Variants in EYS observed in about 807,000 individuals in gnomAD.
EYS encodes EGF-like photoreceptor maintenance factor.
EYS carries 250 observed loss-of-function variants against 282.1 expected under a neutral mutation model. That is an observed-to-expected ratio of 0.89 (90% confidence interval 0.80 to 0.98). The LOEUF is 0.98. EYS is among the 50% of genes least tolerant of loss of function. The pLI, the probability that EYS is intolerant of heterozygous loss-of-function variation, is 0.00. For missense variants in EYS, 4,016 were observed against 3,709.0 expected (o/e 1.08, Z -2.15); for synonymous variants, 1,355 against 1,282.9 (o/e 1.06, Z -1.20).
At chr6:64,421,057 A>G (rs553716713) in intron 28 of EYS, among the ~76,000 whole-genome samples, 1 of 152,306 alleles carries the variant, frequency 6.6e-6, no homozygotes, top group South Asian at 2.1e-4. Context: ...ATACTGTATT[A>G]GTCCATTCTC....
chr6:65,415,834 A>G (rs561401577), intron 5 of EYS, among the ~76,000 whole-genome samples: 1 of 152,194 alleles, frequency 6.6e-6, no homozygotes, highest in East Asian at 1.9e-4. Context: ...AAATGCACAC[A>G]TTAGAAAAAC....
At chr6:64,502,894 A>T in intron 26 of EYS, among the ~76,000 whole-genome samples, 1 of 152,234 alleles carries the variant, frequency 6.6e-6, no homozygotes. Context: ...ATAGCACATC[A>T]AAGCATAGTT....
At chr6:64,029,505 G>A (rs933530996) in intron 33 of EYS, among the ~76,000 whole-genome samples, 2 of 152,196 alleles carry the variant, frequency 1.3e-5, no homozygotes, top group Non-Finnish European at 2.9e-5. Flanking sequence ...TGAGGGACCG[G>A]TGTTTCAAAA....
intron 26 of EYS, among the ~76,000 whole-genome samples, chr6:64,480,715 G>T (rs184657248): frequency 1.3e-3 from 198 of 151,924 alleles, no homozygotes; most frequent in African/African-American, 4.6e-3. Context: ...AGAATGTCAT[G>T]TAATTTGTCA....
intron 2 of EYS, among the ~76,000 whole-genome samples, chr6:65,626,455 G>A (rs919056898): frequency 7.9e-5 from 12 of 152,182 alleles, no homozygotes; most frequent in Non-Finnish European, 1.6e-4. Flanking sequence ...CCTAGATGAT[G>A]TACTGTGGAA....
chr6:64,691,525 A>T (rs1017398245), intron 22 of EYS, among the ~76,000 whole-genome samples: 2 of 152,158 alleles, frequency 1.3e-5, no homozygotes, highest in African/African-American at 4.8e-5. Context: ...ACTTCTCTTT[A>T]AGATACAGCA....
intron 13 of EYS, among the ~76,000 whole-genome samples, chr6:65,013,891 T>G (rs1275124827): frequency 6.6e-6 from 1 of 152,104 alleles, no homozygotes; most frequent in Non-Finnish European, 1.5e-5. Flanking sequence ...GTGGGTAAGA[T>G]ATGTGAATAT....
intron 35 of EYS, among the ~76,000 whole-genome samples, chr6:63,911,294 A>G (rs1764244561): frequency 6.6e-6 from 1 of 152,226 alleles, no homozygotes; most frequent in Admixed American, 6.5e-5. Context: ...TCTGTGTTAC[A>G]AATGTCCCAG....
At position 64,436,226 on chromosome 6, in the gene EYS, T is replaced by C; in HGVS notation, c.5875A>G (p.Ile1959Val). ...YCPGEAKFKS[I>V]NTTVRVDNGQ... ...TTGTCCACTCTAACAGTAGTATTAA[T>C]GCTTTTAAATTTTGCTTCACCAGGA... Residue 1959 changes from isoleucine (I) to valine (V), a missense_variant, in exon 28 of 43, where the codon ATT (isoleucine) becomes GTT (valine). Coordinates refer to ENST00000503581, the MANE Select transcript of EYS (RefSeq NM_001142800.2). 6.5e-7 allele frequency: 1 copy of C among 1,544,986 alleles called. No homozygotes were observed. Among genetic ancestry groups the C allele is most frequent in the Non-Finnish European group, 8.8e-7 (1 of 1,142,714 alleles).
intron 28 of EYS, among the ~76,000 whole-genome samples, chr6:64,396,701 C>A (rs576462080): frequency 1.3e-5 from 2 of 152,160 alleles, no homozygotes; most frequent in African/African-American, 4.8e-5. Context: ...TCTGCAGTAT[C>A]GCTTCTGTCA....
At chr6:64,452,515 G>A (rs148501195) in intron 26 of EYS, among the ~76,000 whole-genome samples, 2 of 151,954 alleles carry the variant, frequency 1.3e-5, no homozygotes, top group African/African-American at 4.8e-5. Flanking sequence ...CTACTTTCAA[G>A]TTCATATGGA....
rs145013843 is a variant in EYS at position 65,056,130 on chromosome 6, C to T, written c.2137+1484G>A. ...TACATATTTATATTTTGGGTACCAG[C>T]CAATATTCCTTTATTTTGGTGCTCA... On this transcript the variant is annotated intron_variant, in intron 13 of 42. Coordinates refer to ENST00000503581, the MANE Select transcript of EYS (RefSeq NM_001142800.2). 3.0e-4 allele frequency among the ~76,000 whole-genome samples: 45 copies of T among 152,040 alleles called. No homozygotes were observed. The East Asian group carries it at 8.6e-3, about 29-fold the overall frequency.
intron 26 of EYS, among the ~76,000 whole-genome samples, chr6:64,583,601 G>C (rs1450455223): frequency 6.6e-6 from 1 of 152,144 alleles, no homozygotes; most frequent in Non-Finnish European, 1.5e-5. Context: ...TTCAAGACCA[G>C]CTTGACCAAC....
chr6:64,872,672 G>T (rs1389383223), intron 19 of EYS, among the ~76,000 whole-genome samples: 1 of 152,116 alleles, frequency 6.6e-6, no homozygotes, highest in African/African-American at 2.4e-5. Flanking sequence ...TAAAGCCTCA[G>T]TTGAAATCTA....
chr6:64,724,609 C>T (rs1439611528), intron 22 of EYS, among the ~76,000 whole-genome samples: 1 of 152,072 alleles, frequency 6.6e-6, no homozygotes, highest in African/African-American at 2.4e-5. Flanking sequence ...ATTTCACATG[C>T]TAACACAAAG....
At chr6:65,562,514 C>G (rs117603610) in intron 2 of EYS, among the ~76,000 whole-genome samples, 1 of 151,964 alleles carries the variant, frequency 6.6e-6, no homozygotes, top group Non-Finnish European at 1.5e-5. Flanking sequence ...TATTAGAAAT[C>G]TTCCAAATTT....
chr6:65,349,288 A>T (rs1770513243), intron 9 of EYS, among the ~76,000 whole-genome samples: 1 of 151,480 alleles, frequency 6.6e-6, no homozygotes, highest in African/African-American at 2.4e-5. Context: ...TCTATACACC[A>T]CTTGTCCAAA....
intron 1 of EYS, among the ~76,000 whole-genome samples, chr6:65,701,151 C>G (rs908418805): frequency 2.0e-5 from 3 of 152,192 alleles, no homozygotes; most frequent in Admixed American, 1.3e-4. Flanking sequence ...AAATATATTT[C>G]TTCCTCAAAG....
intron 12 of EYS, among the ~76,000 whole-genome samples, chr6:65,102,531 G>T (rs1774922977): frequency 6.6e-6 from 1 of 150,824 alleles, no homozygotes; most frequent in Non-Finnish European, 1.5e-5. Context: ...TATTTATACA[G>T]AAATTTAATT....
Sources: allele counts gnomAD v4.1 joint callset (sites outside exome capture counted in the v4.1 genomes callset), GRCh38; gene constraint gnomAD v4.1.1; transcripts MANE v1.5; gene names NCBI Gene and HGNC (gene_info 2026-07-23, HGNC 2026-07-21).